The following MLIP variants were observed in gnomAD, a reference collection of about 807,000 sequenced individuals.
The protein encoded by MLIP is muscular LMNA interacting protein.
A neutral mutation model predicts 84.8 loss-of-function variants in MLIP; 79 were observed. That is an observed-to-expected ratio of 0.93 (90% CI 0.78 to 1.12). The LOEUF (loss-of-function observed/expected upper bound fraction) is 1.12. MLIP is among the 50% of genes most tolerant of loss of function. The probability of loss-of-function intolerance (pLI) is 0.00; values close to 1 mark genes in which losing one functional copy is unlikely to be tolerated. For missense variants in MLIP, 1,257 were observed against 1,160.6 expected, an observed-to-expected ratio of 1.08 and a Z score of -1.21; for synonymous variants, 504 against 463.0, an observed-to-expected ratio of 1.09 and a Z score of -1.14.
At chr6:54,035,446 A>T (rs1307265018) in intron 1 of MLIP, among the ~76,000 whole-genome samples, 1 of 152,172 alleles carries the variant, frequency 6.6e-6, no homozygotes, top group African/African-American at 2.4e-5. Flanking sequence ...ATTTCTGTGT[A>T]AAAATGGGTT....
At chr6:54,019,072 A>T in exon 1 of MLIP, 1 of 1,611,668 alleles carries the variant, frequency 6.2e-7, no homozygotes, top group East Asian at 2.2e-5. Flanking sequence ...TTAAACAAGA[A>T]TTTAGAGGAG....
intron 1 of MLIP, among the ~76,000 whole-genome samples, chr6:54,023,079 A>G (rs1763589806): frequency 6.6e-6 from 1 of 151,992 alleles, no homozygotes; most frequent in Non-Finnish European, 1.5e-5. Flanking sequence ...AGGCAGGAGA[A>G]TGGCGTGAAC....
chr6:54,172,719 G>GA (rs531032095), intron 9 of MLIP, among the ~76,000 whole-genome samples: 3 of 149,594 alleles, frequency 2.0e-5, no homozygotes, highest in African/African-American at 7.3e-5. Flanking sequence ...AAAAAAAAAA[G>GA]AAAAAAATAA....
At chr6:54,217,572 C>T (rs1779937363) in intron 11 of MLIP, 2 of 984,266 alleles carry the variant, frequency 2.0e-6, no homozygotes, top group South Asian at 4.7e-5. Context: ...TCATAAGTTC[C>T]TGTCTTCTTG....
intron 1 of MLIP, among the ~76,000 whole-genome samples, chr6:54,062,508 T>G (rs779161394): frequency 3.9e-5 from 6 of 152,164 alleles, no homozygotes; most frequent in Non-Finnish European, 8.8e-5. Context: ...TTTCCTTATT[T>G]AAAAACTCAA....
At chr6:54,082,833 T>TG (rs1203672876) in intron 1 of MLIP, among the ~76,000 whole-genome samples, 1 of 151,920 alleles carries the variant, frequency 6.6e-6, no homozygotes, top group African/African-American at 2.4e-5. Context: ...TTAAAAAAAC[T>TG]GAATTATAGA....
intron 3 of MLIP, among the ~76,000 whole-genome samples, chr6:54,132,847 C>T (rs1265431920): frequency 2.6e-5 from 4 of 152,272 alleles, no homozygotes; most frequent in Non-Finnish European, 4.4e-5. Flanking sequence ...ACTCAGCTTG[C>T]GCCCTTGTAC....
At chr6:54,136,665 G>T in intron 3 of MLIP, 50 bp from the exon 4 acceptor site, 1 of 1,372,010 alleles carries the variant, frequency 7.3e-7, no homozygotes, top group Non-Finnish European at 9.5e-7. Flanking sequence ...TATTTTGATC[G>T]TTTCACAAAT....
upstream of MLIP, among the ~76,000 whole-genome samples, chr6:54,110,909 A>G (rs924775691): frequency 1.3e-5 from 2 of 152,244 alleles, no homozygotes; most frequent in African/African-American, 4.8e-5. Flanking sequence ...TGTTAATAAC[A>G]TAACTTCAGT....
At chr6:54,045,057 A>T (rs1764959577) in intron 1 of MLIP, among the ~76,000 whole-genome samples, 1 of 152,130 alleles carries the variant, frequency 6.6e-6, no homozygotes, top group African/African-American at 2.4e-5. Flanking sequence ...GTAGAAATTC[A>T]TGAGGAATGG....
chr6:54,077,537 C>T (rs908934423), intron 1 of MLIP, among the ~76,000 whole-genome samples: 5 of 152,226 alleles, frequency 3.3e-5, no homozygotes, highest in South Asian at 2.1e-4. Context: ...ACATCTAATA[C>T]GTGTTTCAAG....
chr6:54,261,626 G>C, intron 13 of MLIP: 1 of 984,948 alleles, frequency 1.0e-6, no homozygotes, highest in Non-Finnish European at 1.2e-6. Context: ...ATTTTATTTT[G>C]AATTTCAGAA....
chr6:54,204,624 A>T (rs552151910), intron 11 of MLIP, among the ~76,000 whole-genome samples: 1 of 152,324 alleles, frequency 6.6e-6, no homozygotes, highest in South Asian at 2.1e-4. Context: ...GAGTTAATCT[A>T]CCTGTAATTT....
At chr6:54,212,375 G>A (rs886488706) in intron 11 of MLIP, among the ~76,000 whole-genome samples, 3 of 152,068 alleles carry the variant, frequency 2.0e-5, no homozygotes, top group Admixed American at 1.3e-4. Context: ...AATACTGTTG[G>A]AGCCCTGATA....
chr6:54,239,007 C>T lies in MLIP; in HGVS notation c.2922+8090C>T, dbSNP rs565832575. ...TCTTCACATGTACTATGGATTCTCC[C>T]CTTTCTTCCACTGCTGTTAAATCCT... On this transcript the variant is annotated intron_variant, in intron 12 of 13. Coordinates refer to ENST00000502396, the MANE Select transcript of MLIP (RefSeq NM_001281747.2). Among the ~76,000 whole-genome samples, 63 of 152,186 alleles carry T rather than the reference C, an allele frequency of 4.1e-4. 1 individual carries two copies. The South Asian group carries it at 0.012, about 30-fold the overall frequency.
At chr6:54,068,716 A>G (rs1208584656) in intron 1 of MLIP, among the ~76,000 whole-genome samples, 1 of 101,136 alleles carries the variant, frequency 9.9e-6, no homozygotes, top group African/African-American at 2.5e-5. Flanking sequence ...CTCGTTTCCC[A>G]TGACAACTTA....
chr6:54,195,612 C>T (rs951823633), intron 10 of MLIP, among the ~76,000 whole-genome samples: 11 of 152,018 alleles, frequency 7.2e-5, no homozygotes, highest in African/African-American at 2.4e-4. Flanking sequence ...TTACATAGTG[C>T]CCAAAGTGAC....
chr6:54,262,373 C>A (rs1291006767), intron 13 of MLIP, among the ~76,000 whole-genome samples: 1 of 151,962 alleles, frequency 6.6e-6, no homozygotes, highest in East Asian at 1.9e-4. Context: ...AGATAGACTC[C>A]ATTTTATACA....
chr6:54,031,591 T>C (rs1764146152), intron 1 of MLIP: 1 of 152,232 alleles, frequency 6.6e-6, no homozygotes. Flanking sequence ...CCAAGCTAAG[T>C]CTAAATTAAA....
Sources: gnomAD v4.1 joint callset for allele counts (sites outside exome capture counted in the v4.1 genomes callset) on GRCh38, gnomAD v4.1.1 for gene constraint, MANE v1.5 for transcripts, NCBI Gene and HGNC (gene_info 2026-07-23, HGNC 2026-07-21) for gene names.